Variants in CLXN observed in about 807,000 individuals in gnomAD.
CLXN encodes EF-hand calcium binding domain 1.
the CLXN span, among the ~76,000 whole-genome samples, chr8:48,730,381 G>A: frequency 6.6e-6 from 1 of 151,888 alleles, no homozygotes; most frequent in African/African-American, 2.4e-5. Context: ...ATATTTTATT[G>A]ACTTGAATTC....
chr8:48,730,226 C>CA, the CLXN span: 2 of 305,402 alleles, frequency 6.5e-6, no homozygotes, highest in African/African-American at 4.3e-5. Context: ...TTTATGGTTA[C>CA]AATTCAAGTA....
At chr8:48,732,946 G>A in the CLXN span, among the ~76,000 whole-genome samples, 1 of 152,172 alleles carries the variant, frequency 6.6e-6, no homozygotes, top group Non-Finnish European at 1.5e-5. Flanking sequence ...ACTAGGATGA[G>A]GAGGGAATGG....
the CLXN span, chr8:48,729,574 A>G: frequency 8.7e-6 from 7 of 801,072 alleles, no homozygotes; most frequent in African/African-American, 1.2e-4. Flanking sequence ...GAAACTGAAA[A>G]GAACTATTAA....
the CLXN span, among the ~76,000 whole-genome samples, chr8:48,713,422 C>A: frequency 6.6e-6 from 1 of 152,096 alleles, no homozygotes; most frequent in Non-Finnish European, 1.5e-5. Flanking sequence ...GGAAATGGCC[C>A]CCTGAGATAA....
the CLXN span, among the ~76,000 whole-genome samples, chr8:48,732,704 A>T: frequency 6.6e-6 from 1 of 152,172 alleles, no homozygotes. Flanking sequence ...GTCAAAAGAC[A>T]GATGCAAGAG....
the CLXN span, among the ~76,000 whole-genome samples, chr8:48,712,954 C>G: frequency 1.7e-3 from 252 of 147,432 alleles, 1 homozygote; most frequent in Non-Finnish European, 2.5e-3. Flanking sequence ...GAGCCAAGAC[C>G]GTGCCAGCTT....
At chr8:48,716,571 A>C in the CLXN span, 1 of 152,278 alleles carries the variant, frequency 6.6e-6, no homozygotes, top group African/African-American at 2.4e-5. Flanking sequence ...TCAATCAGGA[A>C]AACAACACGT....
chr8:48,718,626 A>T, the CLXN span, among the ~76,000 whole-genome samples: 1 of 152,288 alleles, frequency 6.6e-6, no homozygotes, highest in East Asian at 1.9e-4. Context: ...CAGTAACAGA[A>T]TGAAACTAGA....
the CLXN span, among the ~76,000 whole-genome samples, chr8:48,722,101 C>A: frequency 2.6e-5 from 4 of 152,166 alleles, no homozygotes; most frequent in South Asian, 4.2e-4. Context: ...AAAAACCAAA[C>A]AAACATAAAA....
the CLXN span, chr8:48,734,518 G>A: frequency 3.3e-5 from 5 of 152,162 alleles, no homozygotes; most frequent in African/African-American, 9.7e-5. Flanking sequence ...GTCTAAAGTT[G>A]GGAACCCATT....
At chr8:48,716,650 G>A in the CLXN span, 2 of 152,126 alleles carry the variant, frequency 1.3e-5, no homozygotes, top group African/African-American at 4.8e-5. Flanking sequence ...GAGCTGGTAA[G>A]TACAATGAAT....
At chr8:48,719,207 C>T in the CLXN span, among the ~76,000 whole-genome samples, 1 of 152,054 alleles carries the variant, frequency 6.6e-6, no homozygotes, top group African/African-American at 2.4e-5. Context: ...TACAACCTAC[C>T]AAACTGAATT....
the CLXN span, among the ~76,000 whole-genome samples, chr8:48,725,236 T>C: frequency 6.6e-6 from 1 of 152,114 alleles, no homozygotes; most frequent in African/African-American, 2.4e-5. Flanking sequence ...TGTGGTTCAG[T>C]AAGGTAAGAA....
chr8:48,720,587 A>C, the CLXN span, among the ~76,000 whole-genome samples: 1 of 152,158 alleles, frequency 6.6e-6, no homozygotes, highest in Non-Finnish European at 1.5e-5. Flanking sequence ...CTGTTGTTTA[A>C]GATGTTTATC....
At chr8:48,725,567 G>T in the CLXN span, among the ~76,000 whole-genome samples, 2 of 152,158 alleles carry the variant, frequency 1.3e-5, no homozygotes, top group African/African-American at 4.8e-5. Flanking sequence ...ACTTTAGGAA[G>T]CCGAGGCAAG....
chr8:48,723,591 C>G, the CLXN span: 1 of 152,248 alleles, frequency 6.6e-6, no homozygotes, highest in Non-Finnish European at 1.5e-5. Context: ...CCACTGCTTA[C>G]TGTGTGTACC....
the CLXN span, among the ~76,000 whole-genome samples, chr8:48,726,202 T>C: frequency 8.4e-6 from 1 of 118,528 alleles, no homozygotes; most frequent in Admixed American, 9.4e-5. Flanking sequence ...CATCCATCTA[T>C]CTACCCACCC....
At chr8:48,730,906 T>C in the CLXN span, among the ~76,000 whole-genome samples, 2 of 152,130 alleles carry the variant, frequency 1.3e-5, no homozygotes, top group Non-Finnish European at 2.9e-5. Flanking sequence ...ATAATAAATA[T>C]GTTGCTATAA....
chr8:48,730,493 T>C, the CLXN span: 2 of 1,278,032 alleles, frequency 1.6e-6, no homozygotes, highest in Non-Finnish European at 2.2e-6. Context: ...GTGCTTTAGA[T>C]ATGTTATTCA....
Sources: gnomAD v4.1 joint callset for allele counts (sites outside exome capture counted in the v4.1 genomes callset) on GRCh38, gnomAD v4.1.1 for gene constraint, MANE v1.5 for transcripts, NCBI Gene and HGNC (gene_info 2026-07-23, HGNC 2026-07-21) for gene names.